Variants in ANKRD36 observed in about 807,000 individuals in gnomAD.
ANKRD36 encodes the protein ankyrin repeat domain-containing protein 36A.
In ANKRD36, 179 loss-of-function variants were observed where a neutral mutation model predicts 278.1. The ratio of observed to expected loss-of-function variants is 0.64; its 90% CI spans 0.57 to 0.73. The LOEUF (loss-of-function observed/expected upper bound fraction) is 0.73, where lower values mean the gene tolerates loss of function less well. Among genes scored for constraint, ANKRD36 ranks in the 30% least tolerant of loss-of-function variants. ANKRD36 has a pLI of 0.00. For missense variants in ANKRD36, 1,159 were observed against 1,956.7 expected (o/e 0.59, Z 7.69); for synonymous variants, 320 against 641.1 (o/e 0.50, Z 7.57).
intron 48 of ANKRD36, among the ~76,000 whole-genome samples, chr2:97,203,720 C>G (rs1411123540): frequency 6.6e-6 from 1 of 151,804 alleles, no homozygotes; most frequent in African/African-American, 2.4e-5. Context: ...TCATGTAGCA[C>G]CTGCTTTGAC....
chr2:97,192,318 G>GCA (rs2058701008), intron 36 of ANKRD36, among the ~76,000 whole-genome samples: 1 of 150,834 alleles, frequency 6.6e-6, no homozygotes, highest in African/African-American at 2.4e-5. Flanking sequence ...ATCAGCAAAT[G>GCA]GATATCCAAG....
intron 68 of ANKRD36, among the ~76,000 whole-genome samples, chr2:97,235,247 C>T (rs188038879): frequency 6.6e-6 from 1 of 151,674 alleles, no homozygotes; most frequent in East Asian, 2.0e-4. Flanking sequence ...CCAATTGTTC[C>T]AACACCGCAT....
At chr2:97,187,494 G>GGGGAC in intron 32 of ANKRD36, 93 bp downstream of exon 32, 1 of 95,518 alleles carries the variant, frequency 1.0e-5, no homozygotes, top group Non-Finnish European at 2.1e-5. Context: ...GGGTGGGGGG[G>GGGGAC]CTCGCCGAAG....
At chr2:97,203,193 GAAC>G (rs1476829428) in intron 48 of ANKRD36, among the ~76,000 whole-genome samples, 1 of 151,768 alleles carries the variant, frequency 6.6e-6, no homozygotes, top group East Asian at 2.0e-4. Flanking sequence ...CTTCTTTAGA[GAAC>G]AACATGATAC....
intron 66 of ANKRD36, among the ~76,000 whole-genome samples, chr2:97,222,550 GC>G (rs2068057575): frequency 6.6e-6 from 1 of 152,094 alleles, no homozygotes; most frequent in East Asian, 2.0e-4. Context: ...CCTCATTGTA[GC>G]TTTGATTTGC....
chr2:97,116,180 T>C (rs933009866), intron 1 of ANKRD36, among the ~76,000 whole-genome samples: 21 of 152,168 alleles, frequency 1.4e-4, no homozygotes, highest in African/African-American at 4.8e-4. Context: ...TAAATGTTTT[T>C]TATTAATGAA....
intron 40 of ANKRD36, among the ~76,000 whole-genome samples, chr2:97,195,458 C>T (rs543975325): frequency 6.6e-6 from 1 of 152,088 alleles, no homozygotes; most frequent in South Asian, 2.1e-4. Flanking sequence ...GAACTCACTT[C>T]AGATGCATTT....
chr2:97,206,759 T>C (rs1011086306), intron 52 of ANKRD36, among the ~76,000 whole-genome samples: 2 of 151,630 alleles, frequency 1.3e-5, no homozygotes, highest in African/African-American at 2.4e-5. Flanking sequence ...AATCCTAGAA[T>C]TGGCATAAAA....
intron 18 of ANKRD36, chr2:97,163,525 T>G (rs2049705872): frequency 3.5e-6 from 1 of 285,180 alleles, no homozygotes. Context: ...CAAGTAGATA[T>G]CTAAAGTAAT....
intron 67 of ANKRD36, among the ~76,000 whole-genome samples, chr2:97,228,715 T>C (rs2153668103): frequency 6.6e-6 from 1 of 151,612 alleles, no homozygotes; most frequent in East Asian, 2.0e-4. Flanking sequence ...TCTAGTTCTT[T>C]TAATTGTGAT....
At chr2:97,232,086 C>A (rs1403730139) in intron 67 of ANKRD36, among the ~76,000 whole-genome samples, 1 of 151,878 alleles carries the variant, frequency 6.6e-6, no homozygotes, top group African/African-American at 2.4e-5. Context: ...TTTTTCACTT[C>A]TTAGTTACAA....
At position 97,113,470 on chromosome 2, in the gene ANKRD36, C is replaced by T. The variant is rs927055943; in HGVS notation, c.-270C>T. The T allele has an allele frequency of 6.0e-6, 3 of 500,490 alleles. No individual in the cohort carries two copies. The highest frequency in any genetic ancestry group is 2.5e-5 in the South Asian group (1 of 39,474). The allele number at this position is 500,490 out of a possible 1,614,324, so 31.0% of individuals were successfully genotyped here. A position where few individuals can be genotyped will look rare whatever the true frequency, so the allele number is the denominator to read the frequency against. On this transcript the variant is annotated 5_prime_UTR_variant, in exon 1 of 76. Transcript: ENST00000420699. ...CAGGGAGCCCCGCCCTCCCGCGGCA[C>T]CTCCGCAGCAACCGCCGCCTGCACT...
intron 17 of ANKRD36, among the ~76,000 whole-genome samples, chr2:97,159,400 C>T (rs911303448): frequency 6.6e-6 from 1 of 151,938 alleles, no homozygotes; most frequent in Non-Finnish European, 1.5e-5. Context: ...AATCATCACA[C>T]GTACACTGAA....
chr2:97,169,489 A>G (rs1363248099), intron 22 of ANKRD36, among the ~76,000 whole-genome samples: 1 of 152,300 alleles, frequency 6.6e-6, no homozygotes, highest in African/African-American at 2.4e-5. Context: ...GGAAGAAAGG[A>G]AGTCAAATTG....
intron 6 of ANKRD36, among the ~76,000 whole-genome samples, chr2:97,132,019 G>C (rs901892933): frequency 1.7e-4 from 26 of 152,004 alleles, no homozygotes; most frequent in South Asian, 1.3e-3. Context: ...AGTAGAGTCG[G>C]GGTTTCACCG....
At chr2:97,182,997 T>C (rs1279644846) in intron 26 of ANKRD36, among the ~76,000 whole-genome samples, 2 of 151,708 alleles carry the variant, frequency 1.3e-5, no homozygotes, top group Non-Finnish European at 2.9e-5. Context: ...ATTGTCATTG[T>C]GTACCTCCTC....
chr2:97,235,333 T>C (rs1421020609), intron 68 of ANKRD36, among the ~76,000 whole-genome samples: 1 of 150,374 alleles, frequency 6.7e-6, no homozygotes, highest in Admixed American at 6.6e-5. Flanking sequence ...TTATGTGTTA[T>C]CTATTTCTGG....
At position 97,213,551 on chromosome 2, in the gene ANKRD36, G is replaced by A. The variant is rs2065217851; in HGVS notation, c.3508G>A (p.Asp1170Asn). ...TTCAAATTCCATTCAGGCTACAAGT[G>A]ACAAGAAAGATTCTGTTTCGAATAT... ...QKQPALKATS[D>N]KKDSVSNIPT... The change falls in exon 60 of 76, where the codon GAC (aspartate) becomes AAC (asparagine). Residue 1170 changes from aspartate (D) to asparagine (N), a missense_variant. Coordinates refer to ENST00000420699, the MANE Select transcript of ANKRD36 (RefSeq NM_001354587.1). 1 of 634,114 alleles carries A rather than the reference G, an allele frequency of 1.6e-6. No individual in the cohort carries two copies. Among genetic ancestry groups the A allele is most frequent in the African/African-American group, 2.3e-5 (1 of 43,622 alleles). The allele number at this position is 634,114 out of a possible 1,614,324, so 39.3% of individuals were successfully genotyped here.
intron 26 of ANKRD36, among the ~76,000 whole-genome samples, chr2:97,182,822 G>T (rs1020610318): frequency 6.6e-6 from 1 of 151,618 alleles, no homozygotes; most frequent in African/African-American, 2.4e-5. Flanking sequence ...GAACCTTTCT[G>T]TAGCCTAAAC....
Sources: gnomAD v4.1 joint callset for allele counts (sites outside exome capture counted in the v4.1 genomes callset) on GRCh38, gnomAD v4.1.1 for gene constraint, MANE v1.5 for transcripts, NCBI Gene and HGNC (gene_info 2026-07-23, HGNC 2026-07-21) for gene names.